The following P2RX3 variants were observed in gnomAD, a reference collection of about 807,000 sequenced individuals.
P2RX3 encodes the protein purinergic receptor P2X 3.
A neutral mutation model predicts 51.5 loss-of-function variants in P2RX3; 41 were observed. The ratio of observed to expected loss-of-function variants is 0.80; its 90% CI spans 0.62 to 1.03. P2RX3 has a LOEUF of 1.03. P2RX3 is among the 50% of genes least tolerant of loss of function. The pLI is 0.00. For missense variants in P2RX3, 459 were observed against 522.1 expected, an observed-to-expected ratio of 0.88 and a Z score of 1.18; for synonymous variants, 185 against 191.6, an observed-to-expected ratio of 0.97 and a Z score of 0.29.
intron 8 of P2RX3, among the ~76,000 whole-genome samples, chr11:57,364,469 A>G (rs987660287): frequency 6.6e-6 from 1 of 152,198 alleles, no homozygotes; most frequent in African/African-American, 2.4e-5. Context: ...TCATGAGATT[A>G]GTGGAGATGC....
chr11:57,356,814 T>TCTC lies in P2RX3; in HGVS notation c.842+5916_842+5917insCTC, dbSNP rs1554967189. 2.0e-5 allele frequency among the ~76,000 whole-genome samples: 3 copies of TCTC among 151,996 alleles called. No individual in the cohort carries two copies. The East Asian group carries it at 5.8e-4, about 30-fold the overall frequency. On this transcript the variant is annotated intron_variant, in intron 8 of 11. Transcript: ENST00000263314. ...CTTGCTTGAATTCTCCATAATCCATTTTCTTCATCATTTTTAGGTTTCAGT... is the reference window on the plus strand; with the variant it reads ...CTTGCTTGAATTCTCCATAATCCATTCTCTTCTTCATCATTTTTAGGTTTCAGT...
rs1856879545 is a variant in P2RX3 at position 57,371,131 on chromosome 11, G to T, written c.*1134G>T. On this transcript the variant is annotated 3_prime_UTR_variant, in exon 12 of 12. Coordinates refer to ENST00000263314, the MANE Select transcript of P2RX3 (RefSeq NM_002559.5). ...AGTGCCACAGTTCATGGCCAAAAAG[G>T]AACCCACATGTCCTGGCCCTTCAGG... Among the ~76,000 whole-genome samples the T allele has an allele frequency of 6.6e-6, 1 of 152,192 alleles. No homozygotes were observed. Among genetic ancestry groups the T allele is most frequent in the South Asian group, 2.1e-4 (1 of 4,832 alleles).
rs1409919078 is a variant in P2RX3, at chr11:57,368,140, A to T, written c.936+38A>T. 5 of 1,582,916 alleles carry T rather than the reference A, an allele frequency of 3.2e-6. No individual in the cohort carries two copies. The Admixed American group carries it at 8.3e-5, about 26-fold the overall frequency. ...GCCAGGCAGATGGGGTGGACAGGGG[A>T]GGCAGCCCAGACCACCTCTCGGGTT... On this transcript the variant is annotated intron_variant, in intron 9 of 11. Coordinates refer to ENST00000263314, the MANE Select transcript of P2RX3 (RefSeq NM_002559.5).
chr11:57,336,337 A>G (rs1214629347), upstream of P2RX3, among the ~76,000 whole-genome samples: 1 of 152,068 alleles, frequency 6.6e-6, no homozygotes, highest in Non-Finnish European at 1.5e-5. Context: ...TTCACTGTCT[A>G]CACCCAAAAT....
chr11:57,338,263 A>T (rs562699034), upstream of P2RX3: 30 of 254,168 alleles, frequency 1.2e-4, no homozygotes, highest in African/African-American at 5.9e-4. Context: ...GGCAATCAGG[A>T]GCCCAGGATT....
At chr11:57,337,586 G>A (rs185556430), upstream of P2RX3, among the ~76,000 whole-genome samples, 469 of 152,146 alleles carry the variant, frequency 3.1e-3, 8 homozygotes, top group Admixed American at 0.016. Context: ...ACCAAACACC[G>A]CATATTCTCA....
chr11:57,349,298 CAAAAAAA>C (rs34340558), intron 6 of P2RX3, among the ~76,000 whole-genome samples: 4 of 122,680 alleles, frequency 3.3e-5, no homozygotes, highest in Non-Finnish European at 7.2e-5. Context: ...CTGTCTGTAC[CAAAAAAA>C]AAAAAAAAAA....
At chr11:57,359,881 G>A (rs1590636449) in intron 8 of P2RX3, among the ~76,000 whole-genome samples, 2 of 152,170 alleles carry the variant, frequency 1.3e-5, no homozygotes, top group African/African-American at 2.4e-5. Context: ...CCAATATTAA[G>A]AGAAAGCTGT....
upstream of P2RX3, among the ~76,000 whole-genome samples, chr11:57,336,538 TGGAAAA>T (rs777610594): frequency 5.3e-5 from 8 of 152,286 alleles, no homozygotes; most frequent in Non-Finnish European, 7.4e-5. Context: ...AGACCAGACC[TGGAAAA>T]GATGTTTTAG....
chr11:57,349,805 CTT>C lies in P2RX3; in HGVS notation c.613_614del (p.Phe205ProfsTer37). On this transcript the variant is annotated frameshift_variant, in exon 7 of 12. Transcript: ENST00000263314. LOFTEE classifies it high-confidence loss of function. ...CAGCCAGGGACATGAAGACCTGCCGCTTCCACCCGGACAAGGACCCTTTCTGC... is the reference window on the plus strand; with the variant it reads ...CAGCCAGGGACATGAAGACCTGCCGCCCACCCGGACAAGGACCCTTTCTGC... ...LTARDMKTCR[F>X]HPDKDPFCPI... is the part of the protein sequence containing the mutation. The C allele has an allele frequency of 6.2e-7, 1 of 1,614,228 alleles. No homozygotes were observed. The highest frequency in any genetic ancestry group is 2.2e-5 in the East Asian group (1 of 44,882).
chr11:57,367,470 C>G (rs1043379893), intron 8 of P2RX3, among the ~76,000 whole-genome samples: 3 of 152,156 alleles, frequency 2.0e-5, no homozygotes, highest in African/African-American at 7.2e-5. Flanking sequence ...CCTATAATCC[C>G]AGCACTTTTG....
intron 8 of P2RX3, among the ~76,000 whole-genome samples, chr11:57,353,917 C>T (rs1240575274): frequency 0.012 from 1 of 82 alleles, no homozygotes; most frequent in Non-Finnish European, 0.031. Flanking sequence ...GTTGAAGTTC[C>T]CCTTGCAGTC....
intron 1 of P2RX3, among the ~76,000 whole-genome samples, chr11:57,340,119 G>A (rs1186920251): frequency 6.6e-6 from 1 of 152,218 alleles, no homozygotes; most frequent in African/African-American, 2.4e-5. Context: ...AATGTTCTGT[G>A]TTCACGTGTA....
intron 8 of P2RX3, among the ~76,000 whole-genome samples, chr11:57,360,372 G>C (rs369928442): frequency 1.3e-5 from 2 of 152,132 alleles, no homozygotes; most frequent in East Asian, 3.9e-4. Flanking sequence ...GCAGCAGGAG[G>C]GAGCCCTGAG....
intron 10 of P2RX3, 124 bp from the exon 11 acceptor site, chr11:57,369,237 G>T: frequency 1.3e-6 from 1 of 772,512 alleles, no homozygotes; most frequent in Non-Finnish European, 2.2e-6. Context: ...TGTTGCAAGG[G>T]TGAAATGTCC....
chr11:57,348,720 T>C lies in P2RX3; in HGVS notation c.563+16T>C. 6.2e-7 allele frequency: 1 copy of C among 1,604,244 alleles called. No homozygotes were observed. The highest frequency in any genetic ancestry group is 8.5e-7 in the Non-Finnish European group (1 of 1,172,872). On this transcript the variant is annotated intron_variant, in intron 6 of 11. Transcript: ENST00000263314. ...ACTTTGAGAAGTGAGTCCCCACTCC[T>C]TCCCTAAAGCCAAGATGCAGGCACC...
chr11:57,346,531 T>G lies in P2RX3; in HGVS notation c.120-13T>G. 6.2e-7 allele frequency: 1 copy of G among 1,613,340 alleles called. No individual in the cohort carries two copies. The highest frequency in any genetic ancestry group is 1.3e-5 in the African/African-American group (1 of 74,968). On this transcript the variant is annotated splice_polypyrimidine_tract_variant and intron_variant, in intron 1 of 11. Coordinates refer to ENST00000263314, the MANE Select transcript of P2RX3 (RefSeq NM_002559.5). ...CTCCTCTCTTTCTCTTCATTTATGC[T>G]CTCCTGCCCCAGGTGGGTTTTCTTG...
intron 2 of P2RX3, 91 bp from the exon 3 acceptor site, chr11:57,347,025 C>A: frequency 1.5e-6 from 2 of 1,333,436 alleles, no homozygotes; most frequent in South Asian, 1.3e-5. Flanking sequence ...CCTTGCTTTC[C>A]TCATCTGTAG....
intron 6 of P2RX3, among the ~76,000 whole-genome samples, chr11:57,348,997 G>T (rs1023462769): frequency 6.6e-6 from 1 of 152,212 alleles, no homozygotes; most frequent in African/African-American, 2.4e-5. Context: ...GGTCAAGGAT[G>T]CCTTCAACGG....
Sources: allele counts gnomAD v4.1 joint callset (sites outside exome capture counted in the v4.1 genomes callset), GRCh38; gene constraint gnomAD v4.1.1; transcripts MANE v1.5; gene names NCBI Gene and HGNC (gene_info 2026-07-23, HGNC 2026-07-21).